LEMD3: variants seen among roughly 807,000 people sequenced by gnomAD.
LEMD3 encodes LEM domain containing 3.
LEMD3 carries 33 observed loss-of-function variants against 95.2 expected under a neutral mutation model. That is an observed-to-expected ratio of 0.35 (90% CI 0.26 to 0.46). The LOEUF is 0.46. Ranked by LOEUF, LEMD3 falls within the 20% of genes least tolerant of loss-of-function variation. The pLI is 1.00. For missense variants in LEMD3, 1,210 were observed against 1,192.8 expected, an observed-to-expected ratio of 1.01 and a Z score of -0.21; for synonymous variants, 525 against 474.6, an observed-to-expected ratio of 1.11 and a Z score of -1.38.
At chr12:65,243,266 A>G in intron 9 of LEMD3, 122 bp from the exon 10 acceptor site, 1 of 701,510 alleles carries the variant, frequency 1.4e-6, no homozygotes, top group East Asian at 2.6e-5. Flanking sequence ...CTTAACATCT[A>G]ACCAGGGGTC....
intron 1 of LEMD3, among the ~76,000 whole-genome samples, chr12:65,192,282 C>T (rs973241056): frequency 6.6e-6 from 1 of 152,142 alleles, no homozygotes; most frequent in Non-Finnish European, 1.5e-5. Flanking sequence ...CATTCACGTC[C>T]TAGCCACCTT....
intron 1 of LEMD3, among the ~76,000 whole-genome samples, chr12:65,175,557 C>G (rs1868693948): frequency 1.3e-5 from 2 of 152,162 alleles, no homozygotes; most frequent in Admixed American, 6.5e-5. Context: ...ATTGACAACT[C>G]CCTTCTTCAT....
chr12:65,180,859 C>T (rs905117431), intron 1 of LEMD3, among the ~76,000 whole-genome samples: 3 of 152,138 alleles, frequency 2.0e-5, no homozygotes, highest in African/African-American at 7.2e-5. Flanking sequence ...TAAGTATGCA[C>T]CAATTGCTGT....
intron 1 of LEMD3, among the ~76,000 whole-genome samples, chr12:65,180,987 C>T (rs1352012317): frequency 2.0e-5 from 3 of 150,750 alleles, no homozygotes; most frequent in African/African-American, 7.3e-5. Context: ...AGTATGTACA[C>T]AAACACACAC....
At chr12:65,212,229 T>A (rs1168197478) in intron 2 of LEMD3, among the ~76,000 whole-genome samples, 1 of 152,068 alleles carries the variant, frequency 6.6e-6, no homozygotes, top group Non-Finnish European at 1.5e-5. Flanking sequence ...CCATGCATGA[T>A]TCAATTACCT....
intron 3 of LEMD3, among the ~76,000 whole-genome samples, chr12:65,218,242 A>T (rs1870169335): frequency 6.6e-6 from 1 of 152,174 alleles, no homozygotes. Context: ...CATAGTTCCT[A>T]TACCAGCTTA....
chr12:65,203,332 C>T (rs1869662391), intron 1 of LEMD3, among the ~76,000 whole-genome samples: 1 of 152,114 alleles, frequency 6.6e-6, no homozygotes, highest in South Asian at 2.1e-4. Context: ...TTTGCCACGT[C>T]CCACAAATTT....
At chr12:65,233,406 G>A (rs1870686633) in intron 4 of LEMD3, among the ~76,000 whole-genome samples, 1 of 152,164 alleles carries the variant, frequency 6.6e-6, no homozygotes, top group Non-Finnish European at 1.5e-5. Flanking sequence ...TAGCTAATCT[G>A]TAATGGAGCC....
intron 4 of LEMD3, among the ~76,000 whole-genome samples, chr12:65,237,215 A>G (rs1386487614): frequency 6.6e-6 from 1 of 152,198 alleles, no homozygotes; most frequent in East Asian, 1.9e-4. Context: ...GAAAACATTC[A>G]ATGAGAACAG....
intron 4 of LEMD3, among the ~76,000 whole-genome samples, chr12:65,229,293 T>G (rs1412342196): frequency 6.6e-6 from 1 of 152,222 alleles, no homozygotes; most frequent in African/African-American, 2.4e-5. Context: ...CATCTGTTAA[T>G]GAGCACTTAG....
chr12:65,169,892 C>T lies in LEMD3; in HGVS notation c.296C>T (p.Ser99Phe), dbSNP rs1868459754. 1 of 1,451,216 alleles carries T rather than the reference C, an allele frequency of 6.9e-7. No individual in the cohort carries two copies. Among genetic ancestry groups the T allele is most frequent in the African/African-American group, 1.5e-5 (1 of 68,924 alleles). 89.9% of individuals were successfully genotyped at this position (1,451,216 alleles called of 1,614,324 possible). A position where few individuals can be genotyped will look rare whatever the true frequency, so the allele number is the denominator to read the frequency against. The change falls in exon 1 of 13, where the codon TCC becomes TTC. Residue 99 changes from serine (S) to phenylalanine (F), a missense_variant. By Grantham distance (155) the Ser-to-Phe change is radical (BLOSUM62 -2). Coordinates refer to ENST00000308330, the MANE Select transcript of LEMD3 (RefSeq NM_014319.5). The stretch of plus-strand genomic sequence containing the variant: ...GTCCGGCCGGTCTCGGGCGACCTCT[C>T]CTACTTACGGACTCCTGGGGGCCTG... ...MGVRPVSGDLSYLRTPGGLCR... is the reference protein window; with the variant it reads ...MGVRPVSGDLFYLRTPGGLCR...
At chr12:65,220,082 A>G (rs1011268259) in intron 4 of LEMD3, among the ~76,000 whole-genome samples, 41 of 152,204 alleles carry the variant, frequency 2.7e-4, no homozygotes, top group African/African-American at 9.6e-4. Flanking sequence ...GGATTGATAG[A>G]TAATATGGTA....
At chr12:65,183,473 T>A (rs1000468908) in intron 1 of LEMD3, among the ~76,000 whole-genome samples, 6 of 152,192 alleles carry the variant, frequency 3.9e-5, no homozygotes, top group Admixed American at 2.6e-4. Flanking sequence ...TTACAATGCC[T>A]GTAATGTGCC....
At chr12:65,180,008 A>C (rs1006591518) in intron 1 of LEMD3, among the ~76,000 whole-genome samples, 2 of 152,022 alleles carry the variant, frequency 1.3e-5, no homozygotes, top group African/African-American at 2.4e-5. Context: ...GCAGTGGTGC[A>C]ATATCGGCTC....
Position 65,169,839 on chromosome 12 carries a change from A to G in LEMD3, c.243A>G (p.Pro81=), listed in dbSNP as rs1361765496. Residue 81 remains proline (P), a synonymous_variant, in exon 1 of 13, where the codon CCA becomes CCG. Coordinates refer to ENST00000308330, the MANE Select transcript of LEMD3 (RefSeq NM_014319.5). The part of the protein sequence containing the change: ...TAAATVAAAG[P]AAAAAAGMGV... ...CCGCCACGGTCGCAGCCGCGGGACC[A>G]GCGGCGGCGGCGGCCGCGGGGATGG... is the stretch of plus-strand genomic sequence containing the variant. 6.8e-7 allele frequency: 1 copy of G among 1,464,048 alleles called. No homozygotes were observed. Among genetic ancestry groups the G allele is most frequent in the African/African-American group, 1.4e-5 (1 of 69,516 alleles). 90.7% of individuals were successfully genotyped at this position (1,464,048 alleles called of 1,614,324 possible).
At position 65,170,722 on chromosome 12, in the gene LEMD3, G is replaced by A. The variant is rs758148747; in HGVS notation, c.1126G>A (p.Asp376Asn). 6.2e-7 allele frequency: 1 copy of A among 1,614,200 alleles called. No individual in the cohort carries two copies. The highest frequency in any genetic ancestry group is 1.1e-5 in the South Asian group (1 of 91,082). ...PLLPPPLTDM[D>N]STLDSSTGSL... ...CCTGCCCCCGCCACTTACTGACATG[G>A]ACTCAACCTTGGATTCGTCAACAGG... Residue 376 changes from aspartate to asparagine, a missense_variant, in exon 1 of 13, where the codon GAC becomes AAC. Asp to Asn is a conservative substitution (Grantham distance 23). This residue lies in a region of LEMD3 where 749 missense variants were observed against 622.9 expected (regional missense o/e 1.20). Transcript: ENST00000308330.
intron 3 of LEMD3, among the ~76,000 whole-genome samples, chr12:65,217,658 T>C (rs550801134): frequency 5.3e-5 from 8 of 152,330 alleles, no homozygotes; most frequent in South Asian, 4.1e-4. Flanking sequence ...TAACCACTTA[T>C]AGTCTAAAGA....
At chr12:65,176,682 G>T (rs1436914403) in intron 1 of LEMD3, among the ~76,000 whole-genome samples, 1 of 152,134 alleles carries the variant, frequency 6.6e-6, no homozygotes, top group Non-Finnish European at 1.5e-5. Flanking sequence ...ACTTTTTAAA[G>T]TAGACTATAC....
intron 4 of LEMD3, among the ~76,000 whole-genome samples, chr12:65,227,832 T>C (rs1337969708): frequency 1.3e-5 from 2 of 151,068 alleles, no homozygotes; most frequent in East Asian, 3.9e-4. Flanking sequence ...GCCAAAAGAT[T>C]GGACACTCCT....
Sources: gnomAD v4.1 joint callset for allele counts (sites outside exome capture counted in the v4.1 genomes callset) on GRCh38, gnomAD v4.1.1 for gene constraint, gnomAD v4.1.1 regional missense constraint, MANE v1.5 for transcripts, NCBI Gene and HGNC (gene_info 2026-07-23, HGNC 2026-07-21) for gene names.